FRMPD4: variants seen among roughly 807,000 people sequenced by gnomAD.
FRMPD4 encodes the protein FERM and PDZ domain-containing protein 4.
In FRMPD4, 22 loss-of-function variants were observed where a neutral mutation model predicts 94.1. The observed-to-expected ratio is 0.23, with a 90% CI of 0.17 to 0.33. The LOEUF (loss-of-function observed/expected upper bound fraction) is 0.33, where lower values mean the gene tolerates loss of function less well. FRMPD4 is among the 10% of genes least tolerant of loss of function. The pLI is 1.00. For missense variants in FRMPD4, 1,111 were observed against 1,339.9 expected, an observed-to-expected ratio of 0.83 and a Z score of 2.67; for synonymous variants, 631 against 548.6, an observed-to-expected ratio of 1.15 and a Z score of -2.10.
chrX:12,218,177 T>A (rs1350116763), intron 1 of FRMPD4, among the ~76,000 whole-genome samples: 1 of 112,214 alleles, frequency 8.9e-6, no homozygotes, highest in Non-Finnish European at 1.9e-5. Flanking sequence ...AATTTATGAA[T>A]CTATGAGATG....
chrX:12,372,118 C>T (rs2056171040), intron 1 of FRMPD4, among the ~76,000 whole-genome samples: 1 of 112,423 alleles, frequency 8.9e-6, no homozygotes, highest in South Asian at 3.7e-4. Flanking sequence ...AGAGAAGACT[C>T]ACCCACTCAT....
At chrX:11,833,040 G>A (rs2053483554) in intron 1 of FRMPD4, among the ~76,000 whole-genome samples, 1 of 112,179 alleles carries the variant, frequency 8.9e-6, no homozygotes, top group Non-Finnish European at 1.9e-5. Flanking sequence ...TACTTTTACT[G>A]TGTCCATAGC....
intron 2 of FRMPD4, among the ~76,000 whole-genome samples, chrX:12,553,461 T>TGC (rs2058561366): frequency 6.4e-5 from 2 of 31,287 alleles, no homozygotes; most frequent in Admixed American, 2.7e-4. Flanking sequence ...TATATATATA[T>TGC]ATATATCTAA....
rs1170499641 is a variant in FRMPD4, at chrX:12,015,708, G to A, written c.95+137690G>A. 3.6e-5 allele frequency among the ~76,000 whole-genome samples: 4 copies of A among 112,345 alleles called. No individual in the cohort carries two copies. The East Asian group carries it at 8.3e-4, about 23-fold the overall frequency. On this transcript the variant is annotated intron_variant, in intron 3 of 18. Coordinates refer to the FRMPD4 transcript ENST00000640291. ...TACATACAGTTAGTCTTCAAGGGAT[G>A]TTCTTTAGAATAGCAAGAAATACAG... is the stretch of plus-strand genomic sequence containing the variant.
At chrX:11,852,604 A>C (rs985136663) in intron 1 of FRMPD4, among the ~76,000 whole-genome samples, 1 of 111,622 alleles carries the variant, frequency 9.0e-6, no homozygotes, top group Non-Finnish European at 1.9e-5. Flanking sequence ...CAGGGGTTAC[A>C]ATCCTAGTTT....
intron 3 of FRMPD4, among the ~76,000 whole-genome samples, chrX:12,086,057 A>G (rs187332864): frequency 9.6e-6 from 1 of 104,018 alleles, no homozygotes; most frequent in Non-Finnish European, 2.0e-5. Context: ...AGTCATTTGC[A>G]TATCTGCCTG....
At chrX:12,539,656 G>A (rs1229812518) in intron 2 of FRMPD4, among the ~76,000 whole-genome samples, 14 of 108,676 alleles carry the variant, frequency 1.3e-4, no homozygotes, top group African/African-American at 4.4e-4. Context: ...TTTTTGAGAC[G>A]GAGTTTCACT....
intron 3 of FRMPD4, among the ~76,000 whole-genome samples, chrX:12,132,029 T>C (rs1009250833): frequency 9.0e-6 from 1 of 111,446 alleles, no homozygotes; most frequent in Non-Finnish European, 1.9e-5. Flanking sequence ...TATTAACACA[T>C]GCACACAAGG....
intron 3 of FRMPD4, among the ~76,000 whole-genome samples, chrX:11,879,745 ACT>A (rs2053803465): frequency 8.9e-6 from 1 of 112,140 alleles, no homozygotes; most frequent in African/African-American, 3.2e-5. Context: ...AGTGGAGAAC[ACT>A]CTCAACTATA....
chrX:12,108,896 A>T (rs1257686292), intron 3 of FRMPD4, among the ~76,000 whole-genome samples: 1 of 112,091 alleles, frequency 8.9e-6, no homozygotes, highest in Non-Finnish European at 1.9e-5. Flanking sequence ...ATATGCACCC[A>T]ATACAGGAGC....
intron 3 of FRMPD4, among the ~76,000 whole-genome samples, chrX:12,084,239 A>G (rs987887818): frequency 7.3e-5 from 8 of 109,068 alleles, no homozygotes; most frequent in Non-Finnish European, 1.1e-4. Context: ...ATGATAATGA[A>G]TAACTCTCAC....
At chrX:12,300,659 G>C (rs2054846325) in intron 1 of FRMPD4, among the ~76,000 whole-genome samples, 1 of 112,118 alleles carries the variant, frequency 8.9e-6, no homozygotes, top group Non-Finnish European at 1.9e-5. Flanking sequence ...CTGAAAAGTA[G>C]TTCCTGAACT....
chrX:11,841,444 T>G (rs2053536072), intron 1 of FRMPD4, among the ~76,000 whole-genome samples: 1 of 107,289 alleles, frequency 9.3e-6, no homozygotes, highest in African/African-American at 3.4e-5. Context: ...CCGTTCTAAC[T>G]GGTGTGAGAT....
intron 1 of FRMPD4, among the ~76,000 whole-genome samples, chrX:12,467,795 T>C (rs776467307): frequency 8.9e-5 from 10 of 112,185 alleles, no homozygotes; most frequent in Non-Finnish European, 1.7e-4. Flanking sequence ...CATGCTGTTC[T>C]ACATAAGATC....
intron 4 of FRMPD4, among the ~76,000 whole-genome samples, chrX:12,668,867 A>G (rs1303792087): frequency 9.0e-6 from 1 of 111,340 alleles, no homozygotes; most frequent in African/African-American, 3.3e-5. Flanking sequence ...GGCCTCCCAA[A>G]GTGCTGGGAT....
At chrX:12,596,252 T>C (rs780968987) in intron 2 of FRMPD4, among the ~76,000 whole-genome samples, 6 of 111,420 alleles carry the variant, frequency 5.4e-5, no homozygotes, top group Admixed American at 9.6e-5. Flanking sequence ...TCCTGGGTAA[T>C]GCTGGGCTCA....
At chrX:12,473,280 G>A (rs768659024) in intron 1 of FRMPD4, among the ~76,000 whole-genome samples, 1 of 109,719 alleles carries the variant, frequency 9.1e-6, no homozygotes, top group South Asian at 3.8e-4. Context: ...GTCACCACCA[G>A]CCCTGCCCTG....
At chrX:12,421,149 A>G (rs1293979442) in intron 1 of FRMPD4, among the ~76,000 whole-genome samples, 1 of 112,272 alleles carries the variant, frequency 8.9e-6, no homozygotes, top group Non-Finnish European at 1.9e-5. Flanking sequence ...TAAGTCTTCT[A>G]TCTATATATG....
At chrX:12,285,600 G>A (rs977074396) in intron 1 of FRMPD4, among the ~76,000 whole-genome samples, 3 of 111,723 alleles carry the variant, frequency 2.7e-5, no homozygotes, top group South Asian at 3.8e-4. Context: ...GGGATATAAA[G>A]GCCAGGTCTA....
Sources: gnomAD v4.1 joint callset for allele counts (sites outside exome capture counted in the v4.1 genomes callset) on GRCh38, gnomAD v4.1.1 for gene constraint, MANE v1.5 for transcripts, NCBI Gene and HGNC (gene_info 2026-07-23, HGNC 2026-07-21) for gene names.